The following RC3H2 variants were observed in gnomAD, a reference collection of about 807,000 sequenced individuals.
The protein encoded by RC3H2 is ring finger and CCCH-type domains 2.
Under a neutral mutation model 133.3 loss-of-function variants are expected in RC3H2, and 31 were observed. The ratio of observed to expected loss-of-function variants is 0.23; its 90% CI spans 0.17 to 0.31. The LOEUF (loss-of-function observed/expected upper bound fraction) is 0.31. RC3H2 is among the 10% of genes least tolerant of loss of function. The probability of loss-of-function intolerance (pLI) is 1.00; values close to 1 mark genes in which losing one functional copy is unlikely to be tolerated. For missense variants in RC3H2, 1,175 were observed against 1,437.2 expected (o/e 0.82, Z 2.95); for synonymous variants, 517 against 502.2 (o/e 1.03, Z -0.40).
In RC3H2 at chr9:122,847,067, G is replaced by T. The variant is rs184729362; in HGVS notation, c.*2560C>A. On this transcript the variant is annotated 3_prime_UTR_variant, in exon 21 of 21. Transcript: ENST00000357244. ...AGAACAGGGAGTTATTGTTTTATGG[G>T]ATCACCTGCTGCAAGACAAGCATTA... 9 of 152,186 alleles carry T rather than the reference G, an allele frequency of 5.9e-5. No individual in the cohort carries two copies. Among genetic ancestry groups the T allele is most frequent in the Admixed American group, 5.9e-4 (9 of 15,290 alleles). 9.4% of individuals were successfully genotyped at this position (152,186 alleles called of 1,614,324 possible). A position where few individuals can be genotyped will look rare whatever the true frequency, so the allele number is the denominator to read the frequency against.
At position 122,872,658 on chromosome 9, in the gene RC3H2, C is replaced by T. The variant is rs1309115470; in HGVS notation, c.1325+4813G>A. On this transcript the variant is annotated intron_variant, in intron 9 of 20. Transcript: ENST00000357244. The stretch of plus-strand genomic sequence containing the variant: ...ACCCAGGTTGGAGTGCAGTGGTGCT[C>T]ACTGCAACCTCTACCTCCCAGGTTC... 2.0e-5 allele frequency among the ~76,000 whole-genome samples: 3 copies of T among 152,118 alleles called. No homozygotes were observed. The East Asian group carries it at 5.8e-4, about 29-fold the overall frequency.
intron 13 of RC3H2, among the ~76,000 whole-genome samples, chr9:122,856,947 G>A (rs940775297): frequency 2.0e-5 from 3 of 152,206 alleles, no homozygotes; most frequent in African/African-American, 4.8e-5. Context: ...TCACTCTGTT[G>A]TCAAGATATT....
chr9:122,901,158 T>A (rs984639556), intron 1 of RC3H2, among the ~76,000 whole-genome samples: 3 of 152,234 alleles, frequency 2.0e-5, no homozygotes, highest in African/African-American at 4.8e-5. Flanking sequence ...TATGTATACA[T>A]CATTTTACAA....
rs1830370040 is a variant in RC3H2 at position 122,859,270 on chromosome 9, T to TTTTTTTTTTTTTTC, written c.1850-169_1850-168insGAAAAAAAAAAAAA. 2.0e-5 allele frequency among the ~76,000 whole-genome samples: 3 copies of TTTTTTTTTTTTTTC among 146,952 alleles called. 1 individual carries two copies. The highest frequency in any genetic ancestry group is 7.7e-5 in the African/African-American group (3 of 39,170). On this transcript the variant is annotated intron_variant, in intron 11 of 20. Coordinates refer to ENST00000357244, the MANE Select transcript of RC3H2 (RefSeq NM_001100588.3). ...ACCCTGGCTTTTTTTTTTTTTTTTT[T>TTTTTTTTTTTTTTC]TTTTGGTAGAGACAGGGTCTTGCTA...
chr9:122,862,402 A>G (rs542451233), intron 10 of RC3H2, among the ~76,000 whole-genome samples: 16 of 152,198 alleles, frequency 1.1e-4, no homozygotes, highest in Non-Finnish European at 1.9e-4. Flanking sequence ...CTCACACCTT[A>G]TTCATTTTGC....
intron 2 of RC3H2, 101 bp downstream of exon 2, chr9:122,897,178 C>T (rs1291100441): frequency 1.8e-5 from 17 of 966,214 alleles, no homozygotes; most frequent in African/African-American, 6.5e-5. Flanking sequence ...TCAAAGATGT[C>T]CTGGGCCACA....
chr9:122,846,895 G>GT lies in RC3H2; in HGVS notation c.*2731dup, dbSNP rs1829882639. ...CAGATGAACTGCCCTTTCTTCGAAAGTGGCAGAGAACCAATGGCTTTACTT... is the reference window on the plus strand; with the variant it reads ...CAGATGAACTGCCCTTTCTTCGAAAGTTGGCAGAGAACCAATGGCTTTACTT... On this transcript the variant is annotated 3_prime_UTR_variant, in exon 21 of 21. Transcript: ENST00000357244. 1 of 152,152 alleles carries GT rather than the reference G, an allele frequency of 6.6e-6. No individual in the cohort carries two copies. Among genetic ancestry groups the GT allele is most frequent in the African/African-American group, 2.4e-5 (1 of 41,440 alleles). 9.4% of individuals were successfully genotyped at this position (152,152 alleles called of 1,614,324 possible).
chr9:122,880,011 T>C lies in RC3H2; in HGVS notation c.1075A>G (p.Asn359Asp), dbSNP rs774571302. ...CACATACCTGGATTAGGGTCTATGTTTGCAAGAAGCTCTAAATGAGGCCTC... is the reference window on the plus strand; with the variant it reads ...CACATACCTGGATTAGGGTCTATGTCTGCAAGAAGCTCTAAATGAGGCCTC... ...RLRPHLELLA[N>D]IDPNPDAVSP... Residue 359 changes from asparagine (N) to aspartate (D), a missense_variant, in exon 7 of 21, where the codon AAC (asparagine) becomes GAC (aspartate). Coordinates refer to ENST00000357244, the MANE Select transcript of RC3H2 (RefSeq NM_001100588.3). 1.2e-6 allele frequency: 2 copies of C among 1,614,204 alleles called. No homozygotes were observed. Among genetic ancestry groups the C allele is most frequent in the Non-Finnish European group, 1.7e-6 (2 of 1,180,042 alleles).
At chr9:122,895,989 T>C (rs1030279175) in intron 2 of RC3H2, among the ~76,000 whole-genome samples, 1 of 151,954 alleles carries the variant, frequency 6.6e-6, no homozygotes, top group African/African-American at 2.4e-5. Context: ...ATGTTCTTTT[T>C]TTTTTCCCCC....
In RC3H2 at chr9:122,897,454, T is replaced by C. The variant is rs1832471975; in HGVS notation, c.56A>G (p.Asn19Ser). The C allele has an allele frequency of 1.9e-6, 3 of 1,614,190 alleles. No homozygotes were observed. Among genetic ancestry groups the C allele is most frequent in the Non-Finnish European group, 2.5e-6 (3 of 1,180,018 alleles). ...TTTGTGCACATTCTCATCAAATTCA[T>C]TATAGCAGATTGGACAGGACAGAAA... is the stretch of plus-strand genomic sequence containing the variant. ...TEFLSCPICY[N>S]EFDENVHKPI... The change falls in exon 2 of 21, where the codon AAT becomes AGT. Residue 19 changes from asparagine to serine, a missense_variant. Asn to Ser is a conservative substitution (Grantham distance 46). Coordinates refer to ENST00000357244, the MANE Select transcript of RC3H2 (RefSeq NM_001100588.3).
chr9:122,865,128 C>CA (rs1588067186), intron 10 of RC3H2, among the ~76,000 whole-genome samples: 1 of 152,110 alleles, frequency 6.6e-6, no homozygotes, highest in Non-Finnish European at 1.5e-5. Flanking sequence ...AAACAAAACT[C>CA]AGAGTTAAAG....
chr9:122,862,891 C>CAAAA (rs1168612532), intron 10 of RC3H2, among the ~76,000 whole-genome samples: 1 of 48,068 alleles, frequency 2.1e-5, no homozygotes, highest in South Asian at 6.9e-4. Flanking sequence ...GACTCCATCT[C>CAAAA]AAAAAAAAAA....
rs1361473294 is a variant in RC3H2, at chr9:122,883,282, T to C, written c.681A>G (p.Leu227=). Residue 227 remains leucine, a synonymous_variant, in exon 5 of 21, where the codon CTA becomes CTG. Coordinates refer to ENST00000357244, the MANE Select transcript of RC3H2 (RefSeq NM_001100588.3). The stretch of plus-strand genomic sequence containing the variant: ...TTGATGCCTGAGGAAATCTTGGTTC[T>C]AGTCTCTGCACAACAAAAAGTACCA... ...KVLVLFVVQR[L]EPRFPQASKT... 6.2e-7 allele frequency: 1 copy of C among 1,613,886 alleles called. No individual in the cohort carries two copies. The highest frequency in any genetic ancestry group is 8.5e-7 in the Non-Finnish European group (1 of 1,179,914).
chr9:122,889,058 G>C (rs899312462), intron 4 of RC3H2, among the ~76,000 whole-genome samples: 2 of 152,120 alleles, frequency 1.3e-5, no homozygotes, highest in African/African-American at 2.4e-5. Flanking sequence ...TTTTCAGTTG[G>C]TTGTTGGTCT....
Position 122,851,155 on chromosome 9 carries a change from C to A in RC3H2, c.3306G>T (p.Gly1102=). The change falls in exon 20 of 21, where the codon GGG becomes GGT. Residue 1102 remains glycine, a synonymous_variant. Transcript: ENST00000357244. ...CCTTTTGGTGCTGCTGTACTGGATG[C>A]CCATTTTCCACTGCCATTCCATTTA... ...QLLNGMAVEN[G]HPVQQHQKEP... is the part of the protein sequence containing the mutation. 6.2e-7 allele frequency: 1 copy of A among 1,614,096 alleles called. No individual in the cohort carries two copies. The highest frequency in any genetic ancestry group is 8.5e-7 in the Non-Finnish European group (1 of 1,179,968).
intron 6 of RC3H2, 198 bp downstream of exon 6, chr9:122,880,396 T>C: frequency 1.5e-6 from 1 of 685,706 alleles, no homozygotes; most frequent in Non-Finnish European, 2.5e-6. Flanking sequence ...TTTATGCTAG[T>C]ATCATGTATT....
chr9:122,882,445 A>G (rs143507099), intron 5 of RC3H2, among the ~76,000 whole-genome samples: 1 of 152,344 alleles, frequency 6.6e-6, no homozygotes, highest in African/African-American at 2.4e-5. Context: ...GGGGGCTATA[A>G]AACCAACAAA....
chr9:122,867,416 C>T, intron 9 of RC3H2, among the ~76,000 whole-genome samples: 1 of 135,648 alleles, frequency 7.4e-6, no homozygotes, highest in Non-Finnish European at 1.6e-5. Flanking sequence ...GTTGGGGGGT[C>T]AGCACCCCGC....
rs767081327 is a variant in RC3H2, at chr9:122,857,956, A to T, written c.2421T>A (p.Pro807=). The change falls in exon 13 of 21, where the codon CCT becomes CCA. Residue 807 remains proline (P), a synonymous_variant. Transcript: ENST00000357244. ...GAAAGTCTACACTGAACAGAGGAGA[A>T]GGTGGTGTTGGTGACTGTGTTGCCA... ...LPVATQSPTP[P]SPLFSVDFRA... The T allele has an allele frequency of 6.2e-7, 1 of 1,614,060 alleles. No individual in the cohort carries two copies. Among genetic ancestry groups the T allele is most frequent in the Non-Finnish European group, 8.5e-7 (1 of 1,179,998 alleles).
Sources: gnomAD v4.1 joint callset for allele counts (sites outside exome capture counted in the v4.1 genomes callset) on GRCh38, gnomAD v4.1.1 for gene constraint, MANE v1.5 for transcripts, NCBI Gene and HGNC (gene_info 2026-07-23, HGNC 2026-07-21) for gene names.